Variants in SI observed in about 807,000 individuals in gnomAD.
The protein encoded by SI is sucrase-isomaltase.
In SI, 235 loss-of-function variants were observed where a neutral mutation model predicts 253.3. That is an observed-to-expected ratio of 0.93 (90% confidence interval 0.83 to 1.03). SI has a LOEUF of 1.03. Among genes scored for constraint, SI ranks in the 50% least tolerant of loss-of-function variants. The probability of loss-of-function intolerance (pLI) is 0.00; values close to 1 mark genes in which losing one functional copy is unlikely to be tolerated. For missense variants in SI, 2,442 were observed against 2,211.1 expected (o/e 1.10, Z -2.09); for synonymous variants, 819 against 712.0 (o/e 1.15, Z -2.39).
rs145683307 is a variant in SI at position 165,023,996 on chromosome 3, A to C, written c.2893-220T>G. Among the ~76,000 whole-genome samples the C allele has an allele frequency of 6.0e-3, 915 of 151,580 alleles. 9 individuals carry two copies. The highest frequency in any genetic ancestry group is 0.021 in the African/African-American group (867 of 41,472). On this transcript the variant is annotated intron_variant, in intron 25 of 47. Coordinates refer to ENST00000264382, the MANE Select transcript of SI (RefSeq NM_001041.4). ...TTTACATTTACACTCTAGAGAAAGAATGGTAGAGCAGAAGGATCAAATGTC... is the reference window on the plus strand; with the variant it reads ...TTTACATTTACACTCTAGAGAAAGACTGGTAGAGCAGAAGGATCAAATGTC...
At chr3:165,022,692 C>G (rs1335428761) in intron 26 of SI, among the ~76,000 whole-genome samples, 1 of 151,488 alleles carries the variant, frequency 6.6e-6, no homozygotes, top group Non-Finnish European at 1.5e-5. Context: ...CAGTTCCACA[C>G]TGTTTTAATT....
chr3:165,039,034 AAATAT>A (rs1361909191), intron 20 of SI, 39 bp downstream of exon 20: 1 of 1,275,668 alleles, frequency 7.8e-7, no homozygotes, highest in South Asian at 1.2e-5. Context: ...AAGTGTTTGA[AAATAT>A]AATACTTGTG....
At chr3:165,032,717 A>G (rs771428202) in intron 23 of SI, 25 bp from the exon 24 acceptor site, 1 of 1,473,424 alleles carries the variant, frequency 6.8e-7, no homozygotes, top group African/African-American at 1.4e-5. Flanking sequence ...ATAAGATATT[A>G]TATATTAGGT....
intron 12 of SI, 79 bp from the exon 13 acceptor site, chr3:165,055,386 G>A: frequency 1.3e-6 from 1 of 798,442 alleles, no homozygotes; most frequent in Admixed American, 2.1e-5. Context: ...ATAAAGTTGA[G>A]AATAGTAAAA....
At chr3:165,052,519 G>C (rs1052304838) in intron 13 of SI, among the ~76,000 whole-genome samples, 1 of 152,112 alleles carries the variant, frequency 6.6e-6, no homozygotes, top group East Asian at 1.9e-4. Flanking sequence ...AGCTGGGCGT[G>C]GTGAAGTGCA....
In SI at chr3:165,069,085, TG is replaced by T; in HGVS notation, c.365del (p.Thr122LysfsTer9). 6.2e-7 allele frequency: 1 copy of T among 1,601,582 alleles called. No individual in the cohort carries two copies. Among genetic ancestry groups the T allele is most frequent in the Non-Finnish European group, 8.6e-7 (1 of 1,168,710 alleles). On this transcript the variant is annotated frameshift_variant, in exon 4 of 48. Coordinates refer to ENST00000264382, the MANE Select transcript of SI (RefSeq NM_001041.4). LOFTEE classifies it high-confidence loss of function. ...HGYNVQDMTT[T>X]SIGVEAKLNR... ...TAACAGAGGACTTCTTACCAATACT[TG>T]TTGTTGTCATGTCTTGAACGTTATA... is the stretch of plus-strand genomic sequence containing the variant.
At chr3:165,062,226 G>A (rs1475637925) in intron 9 of SI, 145 bp downstream of exon 9, 1 of 607,054 alleles carries the variant, frequency 1.6e-6, no homozygotes, top group African/African-American at 1.9e-5. Context: ...AAAACACCCA[G>A]CTGCATCTTA....
chr3:165,002,267 T>C (rs1473666565), intron 37 of SI, among the ~76,000 whole-genome samples: 2 of 151,762 alleles, frequency 1.3e-5, no homozygotes, highest in African/African-American at 2.4e-5. Flanking sequence ...CAATACAACA[T>C]TGAATTTCAA....
intron 44 of SI, among the ~76,000 whole-genome samples, chr3:164,989,429 A>AAGG (rs1717621285): frequency 6.9e-6 from 1 of 144,626 alleles, no homozygotes; most frequent in East Asian, 2.0e-4. Flanking sequence ...AGAAAGAAAG[A>AAGG]AAGAAAGGAA....
chr3:164,997,644 G>T (rs753608946), intron 38 of SI, among the ~76,000 whole-genome samples: 7 of 151,362 alleles, frequency 4.6e-5, no homozygotes, highest in Non-Finnish European at 1.0e-4. Flanking sequence ...CTCCTCCCAC[G>T]CCACAACTTC....
At chr3:165,062,829 A>G (rs905814294) in intron 8 of SI, among the ~76,000 whole-genome samples, 2 of 152,102 alleles carry the variant, frequency 1.3e-5, no homozygotes, top group African/African-American at 2.4e-5. Flanking sequence ...TAAATTGAAG[A>G]TTATCTGAAA....
chr3:165,012,438 T>C (rs112690415), intron 34 of SI, among the ~76,000 whole-genome samples: 25,873 of 152,146 alleles, frequency 0.17, 2,855 homozygotes, highest in African/African-American at 0.31. Flanking sequence ...TGTTTTGTTT[T>C]GTTTTTTTGA....
Position 165,049,230 on chromosome 3 carries a change from G to C in SI, c.1612C>G (p.Leu538Val). Reference sequence around the variant, plus strand: ...ATGCAAATTGTTTTGGAATACATGAGTTTGTCAAGAATATCTTTGAGAAAA... The same window carrying C: ...ATGCAAATTGTTTTGGAATACATGACTTTGTCAAGAATATCTTTGAGAAAA... ...PPFTPDILDK[L>V]MYSKTICMDA... is the part of the protein sequence containing the mutation. Residue 538 changes from leucine (L) to valine (V), a missense_variant, in exon 15 of 48, where the codon CTC becomes GTC. Physicochemically the swap from Leu to Val is conservative, Grantham distance 32 (BLOSUM62 1). Coordinates refer to ENST00000264382, the MANE Select transcript of SI (RefSeq NM_001041.4). The C allele has an allele frequency of 1.3e-6, 2 of 1,593,342 alleles. No homozygotes were observed. The highest frequency in any genetic ancestry group is 1.7e-5 in the Admixed American group (1 of 59,876).
chr3:165,013,901 A>G (rs1048916989), intron 33 of SI, among the ~76,000 whole-genome samples: 3 of 151,550 alleles, frequency 2.0e-5, no homozygotes, highest in African/African-American at 4.8e-5. Context: ...TAATTTTTAA[A>G]TTTTTTGTAG....
rs1224056379 is a variant in SI, at chr3:164,979,342, A to G, written c.*20T>C. ...ATCCTGGTGTTTTTTCCCATTGACA[A>G]CTAAAATTGATGGTGATCTTCATGA... is the stretch of plus-strand genomic sequence containing the variant. On this transcript the variant is annotated 3_prime_UTR_variant, in exon 48 of 48. Coordinates refer to ENST00000264382, the MANE Select transcript of SI (RefSeq NM_001041.4). 1 of 1,486,050 alleles carries G rather than the reference A, an allele frequency of 6.7e-7. No homozygotes were observed. The highest frequency in any genetic ancestry group is 9.4e-7 in the Non-Finnish European group (1 of 1,065,626). 92.1% of individuals were successfully genotyped at this position (1,486,050 alleles called of 1,614,324 possible).
chr3:164,986,038 A>T (rs1717417530), intron 45 of SI, among the ~76,000 whole-genome samples: 1 of 151,886 alleles, frequency 6.6e-6, no homozygotes, highest in Non-Finnish European at 1.5e-5. Flanking sequence ...ATACTACCAA[A>T]AACAAGCAAA....
chr3:165,052,335 A>G (rs998071657), intron 13 of SI, among the ~76,000 whole-genome samples: 9 of 152,208 alleles, frequency 5.9e-5, no homozygotes, highest in African/African-American at 1.2e-4. Flanking sequence ...CAAAAGCCTC[A>G]GTGGACTGAT....
At chr3:164,994,846 GTACTAAAGAA>G (rs1173621749) in intron 40 of SI, among the ~76,000 whole-genome samples, 2 of 151,518 alleles carry the variant, frequency 1.3e-5, no homozygotes, top group East Asian at 1.9e-4. Context: ...ACAGATTATG[GTACTAAAGAA>G]TACTAAAGAA....
intron 21 of SI, among the ~76,000 whole-genome samples, chr3:165,036,872 A>T (rs1381455472): frequency 6.6e-6 from 1 of 151,900 alleles, no homozygotes; most frequent in Non-Finnish European, 1.5e-5. Context: ...GAGAAAAAAA[A>T]ATATGATTAA....
Sources: gnomAD v4.1 joint callset for allele counts (sites outside exome capture counted in the v4.1 genomes callset) on GRCh38, gnomAD v4.1.1 for gene constraint, MANE v1.5 for transcripts, NCBI Gene and HGNC (gene_info 2026-07-23, HGNC 2026-07-21) for gene names.